The following ADGRE5 variants were observed in gnomAD, a reference collection of about 807,000 sequenced individuals.
The protein encoded by ADGRE5 is CD97 molecule.
A neutral mutation model predicts 100.3 loss-of-function variants in ADGRE5; 72 were observed. The ratio of observed to expected loss-of-function variants is 0.72; its 90% CI spans 0.59 to 0.87. The LOEUF (loss-of-function observed/expected upper bound fraction) is 0.87, where lower values mean the gene tolerates loss of function less well. ADGRE5 is among the 40% of genes least tolerant of loss of function. The pLI, the probability that ADGRE5 is intolerant of heterozygous loss-of-function variation, is 0.00. For missense variants in ADGRE5, 959 were observed against 1,094.7 expected (o/e 0.88, Z 1.75); for synonymous variants, 439 against 447.8 (o/e 0.98, Z 0.25).
At chr19:14,384,765 T>G (rs1975275457) in intron 1 of ADGRE5, among the ~76,000 whole-genome samples, 1 of 151,880 alleles carries the variant, frequency 6.6e-6, no homozygotes, top group Non-Finnish European at 1.5e-5. Context: ...GCCCCTTGTT[T>G]CTCTCTCCAC....
intron 4 of ADGRE5, chr19:14,396,134 A>G (rs1227502447): frequency 2.6e-6 from 2 of 762,870 alleles, no homozygotes; most frequent in Non-Finnish European, 4.1e-6. Flanking sequence ...GCAGAGGAGA[A>G]GGGGAGGACT....
chr19:14,401,664 A>T lies in ADGRE5; in HGVS notation c.1087A>T (p.Met363Leu). 1 of 1,597,456 alleles carries T rather than the reference A, an allele frequency of 6.3e-7. No homozygotes were observed. Among genetic ancestry groups the T allele is most frequent in the Non-Finnish European group, 8.5e-7 (1 of 1,171,954 alleles). ...CCCTCTCCCCTCAGAGCTGACCCTG[A>T]TGATCCAGGAGCGGGGGGACAAGAA... ...ISPSNTELTL[M>L]IQERGDKNVT... The change falls in exon 11 of 20, where the codon ATG (methionine) becomes TTG (leucine). Residue 363 changes from methionine to leucine, a missense_variant. Transcript: ENST00000242786. This position sits in a 1 kb window ranked among gnomAD's most constrained non-coding sequence, Gnocchi z 4.1.
At chr19:14,395,021 C>T (rs1975724127) in intron 4 of ADGRE5, among the ~76,000 whole-genome samples, 1 of 152,178 alleles carries the variant, frequency 6.6e-6, no homozygotes, top group African/African-American at 2.4e-5. Context: ...ATTCAGAGGG[C>T]TGGGTGCCGT....
chr19:14,391,262 G>A lies in ADGRE5; in HGVS notation c.346+183G>A. 4.0e-6 allele frequency: 3 copies of A among 751,300 alleles called. No homozygotes were observed. In the South Asian group the frequency reaches 5.6e-5, roughly 14 times the overall value. The allele number at this position is 751,300 out of a possible 1,614,324, so 46.5% of individuals were successfully genotyped here. ...GAGGCAGAGTGATGTGAGGATTAAG[G>A]GCTGACTCTGGGACCAGCTGCCTGG... On this transcript the variant is annotated intron_variant, in intron 4 of 19. Coordinates refer to ENST00000242786, the MANE Select transcript of ADGRE5 (RefSeq NM_078481.4).
intron 3 of ADGRE5, among the ~76,000 whole-genome samples, chr19:14,390,631 G>C: frequency 6.6e-6 from 1 of 152,074 alleles, no homozygotes; most frequent in East Asian, 1.9e-4. Context: ...GCCGCCATGG[G>C]GTTTAAATTT....
intron 4 of ADGRE5, among the ~76,000 whole-genome samples, chr19:14,394,704 A>G (rs1435384803): frequency 2.6e-5 from 4 of 152,048 alleles, no homozygotes; most frequent in East Asian, 1.9e-4. Flanking sequence ...CGGGGCTCCC[A>G]TGAGCTCAGC....
intron 18 of ADGRE5, 55 bp from the exon 19 acceptor site, chr19:14,407,853 A>G: frequency 7.0e-7 from 1 of 1,424,378 alleles, no homozygotes. Flanking sequence ...CATGGGGAGG[A>G]GCGTGCATGG....
intron 3 of ADGRE5, among the ~76,000 whole-genome samples, chr19:14,389,151 G>T (rs1175675168): frequency 8.2e-6 from 1 of 122,138 alleles, no homozygotes; most frequent in Admixed American, 8.6e-5. Context: ...CTCAGGGAGA[G>T]GGAGAGGAAG....
chr19:14,388,963 G>C (rs149485721), intron 3 of ADGRE5, 145 bp downstream of exon 3: 1 of 857,430 alleles, frequency 1.2e-6, no homozygotes, highest in Admixed American at 2.0e-5. Flanking sequence ...GAGGGCAGGC[G>C]TGGTGGCTCA....
intron 3 of ADGRE5, 133 bp from the exon 4 acceptor site, chr19:14,390,791 G>A (rs1293993887): frequency 6.8e-6 from 7 of 1,033,628 alleles, no homozygotes; most frequent in Non-Finnish European, 1.0e-5. Context: ...AGCATAGCCT[G>A]TGCAGTGCAA....
At position 14,406,247 on chromosome 19, in the gene ADGRE5, C is replaced by G. The variant is rs1976228914; in HGVS notation, c.1822-84C>G. 8.8e-7 allele frequency: 1 copy of G among 1,132,424 alleles called. No individual in the cohort carries two copies. Among genetic ancestry groups the G allele is most frequent in the Non-Finnish European group, 1.2e-6 (1 of 807,586 alleles). 70.1% of individuals were successfully genotyped at this position (1,132,424 alleles called of 1,614,324 possible). ...CTCCGGCTGTGGTCCCGCCCACTCT[C>G]GGGACCTGGCAGGCGACTGGCTCTG... On this transcript the variant is annotated intron_variant, in intron 14 of 19. Transcript: ENST00000242786. The surrounding 1 kb of genome is among the most constrained non-coding windows in gnomAD (Gnocchi z 6.0).
intron 1 of ADGRE5, among the ~76,000 whole-genome samples, chr19:14,384,916 C>T (rs866940226): frequency 1.3e-5 from 2 of 150,392 alleles, no homozygotes; most frequent in African/African-American, 4.9e-5. Flanking sequence ...CTCCTTTCTC[C>T]TCTCTGTCTC....
chr19:14,403,029 TATTTA>T (rs1159950350), intron 12 of ADGRE5, among the ~76,000 whole-genome samples, 167 bp downstream of exon 12: 1 of 152,068 alleles, frequency 6.6e-6, no homozygotes, highest in Non-Finnish European at 1.5e-5. Context: ...TTACTTTATT[TATTTA>T]ATTTAATTAA....
At position 14,404,531 on chromosome 19, in the gene ADGRE5, T is replaced by C. The variant is rs2146374005; in HGVS notation, c.1598T>C (p.Phe533Ser). The change falls in exon 13 of 20, where the codon TTT becomes TCT. Residue 533 changes from phenylalanine to serine, a missense_variant. Phe to Ser is a radical substitution (Grantham distance 155, BLOSUM62 -2). Around this residue, in one of 6 missense-constraint regions of ADGRE5, gnomAD observed 428 missense variants for 386.2 expected, o/e 1.11. Coordinates refer to ENST00000242786, the MANE Select transcript of ADGRE5 (RefSeq NM_078481.4). ...TGCCAATGCAGCCACCTGAGCAGCT[T>C]TGCGATCCTTATGGCTCATTATGAC... ...TTCQCSHLSSFAILMAHYDVE... is the reference protein window; with the variant it reads ...TTCQCSHLSSSAILMAHYDVE... 2 of 1,613,204 alleles carry C rather than the reference T, an allele frequency of 1.2e-6. No homozygotes were observed. Among genetic ancestry groups the C allele is most frequent in the Non-Finnish European group, 1.7e-6 (2 of 1,179,652 alleles).
At chr19:14,382,489 C>G (rs770094188) in intron 1 of ADGRE5, among the ~76,000 whole-genome samples, 2 of 152,176 alleles carry the variant, frequency 1.3e-5, no homozygotes, top group Non-Finnish European at 2.9e-5. Flanking sequence ...AACCCGTCTC[C>G]GTCTTAGATT....
In ADGRE5 at chr19:14,398,098, G is replaced by A; in HGVS notation, c.856G>A (p.Gly286Ser). ...SRFFDKVQDL[G>S]RDSKTSSAEV... ...ATTCTTCGACAAAGTCCAGGACCTG[G>A]GCAGAGACTCCAAGACAAGCTCAGC... Residue 286 changes from glycine (G) to serine (S), a missense_variant, in exon 9 of 20, where the codon GGC (glycine) becomes AGC (serine). By Grantham distance (56) the Gly-to-Ser change is moderately conservative. This residue lies in a region of ADGRE5 where 69 missense variants were observed against 135.0 expected (regional missense o/e 0.51). Transcript: ENST00000242786. The A allele has an allele frequency of 3.1e-6, 5 of 1,614,094 alleles. No homozygotes were observed. Among genetic ancestry groups the A allele is most frequent in the Non-Finnish European group, 3.4e-6 (4 of 1,180,024 alleles).
At chr19:14,398,713 C>A (rs944203164) in intron 9 of ADGRE5, among the ~76,000 whole-genome samples, 1 of 148,756 alleles carries the variant, frequency 6.7e-6, no homozygotes, top group East Asian at 2.0e-4. Flanking sequence ...TGGAGTTGGG[C>A]CACAGAAGTT....
intron 5 of ADGRE5, 33 bp from the exon 6 acceptor site, chr19:14,397,044 G>T: frequency 6.3e-7 from 1 of 1,585,228 alleles, no homozygotes; most frequent in South Asian, 1.2e-5. Flanking sequence ...GGCTGGTCAG[G>T]GACAGGGTTT....
At position 14,404,502 on chromosome 19, in the gene ADGRE5, C is replaced by A. The variant is rs760416454; in HGVS notation, c.1569C>A (p.Thr523=). Residue 523 remains threonine (T), a synonymous_variant, in exon 13 of 20, where the codon ACC becomes ACA. Coordinates refer to ENST00000242786, the MANE Select transcript of ADGRE5 (RefSeq NM_078481.4). ...CQVLGSKNGS[T]TCQCSHLSSF... ...TGCTGGGCAGCAAGAACGGCAGCACCACCTGCCAATGCAGCCACCTGAGCA... is the reference window on the plus strand; with the variant it reads ...TGCTGGGCAGCAAGAACGGCAGCACAACCTGCCAATGCAGCCACCTGAGCA... The A allele has an allele frequency of 1.2e-6, 2 of 1,612,854 alleles. No individual in the cohort carries two copies. Among genetic ancestry groups the A allele is most frequent in the Admixed American group, 1.7e-5 (1 of 59,876 alleles).
Sources: gnomAD v4.1 joint callset for allele counts (sites outside exome capture counted in the v4.1 genomes callset) on GRCh38, gnomAD v4.1.1 for gene constraint, gnomAD v4.1.1 regional missense constraint, Gnocchi (gnomAD v3.1) non-coding constraint, MANE v1.5 for transcripts, NCBI Gene and HGNC (gene_info 2026-07-23, HGNC 2026-07-21) for gene names.